Variants in CRTC3 observed in about 807,000 individuals in gnomAD.
CRTC3 encodes the protein CREB regulated transcription coactivator 3, also known as CREB-regulated transcription coactivator 3.
Under a neutral mutation model 74.5 loss-of-function variants are expected in CRTC3, and 26 were observed. The ratio of observed to expected loss-of-function variants is 0.35; its 90% CI spans 0.26 to 0.48. The LOEUF is 0.48. Among genes scored for constraint, CRTC3 ranks in the 20% least tolerant of loss-of-function variants. The pLI is 0.99. For missense variants in CRTC3, 760 were observed against 787.3 expected, an observed-to-expected ratio of 0.97 and a Z score of 0.41; for synonymous variants, 377 against 325.8, an observed-to-expected ratio of 1.16 and a Z score of -1.69.
intron 3 of CRTC3, chr15:90,598,755 T>C (rs1206179134): frequency 1.3e-5 from 7 of 547,506 alleles, no homozygotes; most frequent in East Asian, 3.2e-5. Flanking sequence ...AAAAGAACTG[T>C]TGGGAGCTGG....
chr15:90,560,043 C>T (rs907611605), intron 2 of CRTC3, among the ~76,000 whole-genome samples: 3 of 152,096 alleles, frequency 2.0e-5, no homozygotes, highest in South Asian at 2.1e-4. Flanking sequence ...AGGAGTTCTT[C>T]GAATGTTAGA....
chr15:90,637,237 A>T (rs1460378821), intron 11 of CRTC3, among the ~76,000 whole-genome samples: 1 of 152,222 alleles, frequency 6.6e-6, no homozygotes, highest in Non-Finnish European at 1.5e-5. Flanking sequence ...AAAAATGATG[A>T]GTTCATGTCC....
At chr15:90,607,778 A>C (rs1321382301) in intron 6 of CRTC3, among the ~76,000 whole-genome samples, 1 of 152,058 alleles carries the variant, frequency 6.6e-6, no homozygotes, top group Non-Finnish European at 1.5e-5. Context: ...TTCCAGTCTC[A>C]CATCCCTTCA....
intron 2 of CRTC3, among the ~76,000 whole-genome samples, chr15:90,584,534 GC>G (rs1447000544): frequency 5.3e-5 from 8 of 152,126 alleles, no homozygotes; most frequent in South Asian, 4.1e-4. Context: ...ACCGTGCCCG[GC>G]CCCCAGCAGA....
chr15:90,537,079 A>G (rs148864372), intron 1 of CRTC3, among the ~76,000 whole-genome samples: 29 of 152,326 alleles, frequency 1.9e-4, no homozygotes, highest in Middle Eastern at 3.4e-3. Flanking sequence ...TAGGCTAATC[A>G]TTCTTTGGTT....
chr15:90,559,831 T>G (rs902075468), intron 2 of CRTC3, among the ~76,000 whole-genome samples: 1 of 152,182 alleles, frequency 6.6e-6, no homozygotes, highest in Non-Finnish European at 1.5e-5. Context: ...TTGGTAGAGA[T>G]GGGGTTTTGC....
At chr15:90,631,142 A>C (rs1171237866) in intron 11 of CRTC3, among the ~76,000 whole-genome samples, 1 of 152,236 alleles carries the variant, frequency 6.6e-6, no homozygotes, top group Non-Finnish European at 1.5e-5. Context: ...AAGAGTTGAC[A>C]GAACACAACG....
chr15:90,590,785 A>T (rs1365746483), intron 2 of CRTC3, among the ~76,000 whole-genome samples: 1 of 152,224 alleles, frequency 6.6e-6, no homozygotes, highest in African/African-American at 2.4e-5. Context: ...AAGATCAGAT[A>T]CTGCAGGGGC....
At chr15:90,600,749 G>C (rs1023314145) in intron 3 of CRTC3, 4 of 152,360 alleles carry the variant, frequency 2.6e-5, no homozygotes, top group Admixed American at 1.3e-4. Flanking sequence ...TTAATGTGTA[G>C]TTTGTATCTT....
Position 90,607,438 on chromosome 15 carries a change from T to G in CRTC3, c.537T>G (p.Tyr179Ter). 6.2e-7 allele frequency: 1 copy of G among 1,613,176 alleles called. No individual in the cohort carries two copies. Reference protein sequence around the residue: ...SALSTKPQDPYGGGGQSAWPA... With the variant: ...SALSTKPQDP ...TGAGTACCAAGCCCCAGGACCCCTA[T>G]GGAGGAGGGGGCCAGTCGGCCTGGC... Residue 179 changes from tyrosine to a stop codon, truncating the protein, a stop_gained, in exon 6 of 15, where the codon TAT (tyrosine) becomes TAG (stop). Coordinates refer to ENST00000268184, the MANE Select transcript of CRTC3 (RefSeq NM_022769.5). LOFTEE classifies it high-confidence loss of function.
At chr15:90,599,778 A>G (rs967328706) in intron 3 of CRTC3, among the ~76,000 whole-genome samples, 1 of 152,262 alleles carries the variant, frequency 6.6e-6, no homozygotes, top group Admixed American at 6.5e-5. Context: ...CGTGACTATT[A>G]CACCACTGCA....
rs753247361 is a variant in CRTC3, at chr15:90,641,951, G to T, written c.1671G>T (p.Leu557=). Residue 557 remains leucine (L), a synonymous_variant, in exon 15 of 15, where the codon CTG becomes CTT. Transcript: ENST00000268184. ...TILPEDSSTS[L]FKDLNSALAG... ...TTTCAGAAGACTCCAGCACCAGCCT[G>T]TTCAAAGACCTCAACAGTGCGCTGG... 25 of 1,613,478 alleles carry T rather than the reference G, an allele frequency of 1.5e-5. No individual in the cohort carries two copies. Among genetic ancestry groups the T allele is most frequent in the Non-Finnish European group, 2.1e-5 (25 of 1,179,864 alleles).
chr15:90,575,485 TTATGCCAGTGTAAGG>T (rs1212750665), intron 2 of CRTC3, among the ~76,000 whole-genome samples: 1 of 152,254 alleles, frequency 6.6e-6, no homozygotes, highest in Admixed American at 6.5e-5. Context: ...CATCATGTGC[TTATGCCAGTGTAAGG>T]TATGCAGTGT....
chr15:90,630,291 C>A (rs566067398), intron 11 of CRTC3, among the ~76,000 whole-genome samples: 112 of 152,320 alleles, frequency 7.4e-4, no homozygotes, highest in African/African-American at 2.5e-3. Context: ...CTTCCTGAAG[C>A]TTTGATAATG....
At position 90,561,462 on chromosome 15, in the gene CRTC3, C is replaced by G. The variant is rs79250995; in HGVS notation, c.231+21325C>G. Among the ~76,000 whole-genome samples, 1,232 of 152,226 alleles carry G rather than the reference C, an allele frequency of 8.1e-3. 20 individuals carry two copies. Among genetic ancestry groups the G allele is most frequent in the African/African-American group, 0.028 (1,166 of 41,528 alleles). On this transcript the variant is annotated intron_variant, in intron 2 of 14. Transcript: ENST00000268184. ...TCGGCCTGTCCTGAAGTCAACCAGG[C>G]TGTATGTTAGTGCCTTGACTCAGTG...
At chr15:90,552,117 C>T (rs548904984) in intron 2 of CRTC3, among the ~76,000 whole-genome samples, 15 of 152,216 alleles carry the variant, frequency 9.9e-5, no homozygotes, top group African/African-American at 3.6e-4. Flanking sequence ...CAAATGTTTC[C>T]CGAGCGCCTG....
intron 3 of CRTC3, among the ~76,000 whole-genome samples, chr15:90,597,503 T>A (rs528275686): frequency 6.6e-6 from 1 of 152,214 alleles, no homozygotes; most frequent in South Asian, 2.1e-4. Flanking sequence ...CTTTTCATCA[T>A]AATGAGATGA....
Position 90,642,782 on chromosome 15 carries a change from A to G in CRTC3, c.*642A>G. 1 of 232,320 alleles carries G rather than the reference A, an allele frequency of 4.3e-6. No individual in the cohort carries two copies. 14.4% of individuals were successfully genotyped at this position (232,320 alleles called of 1,614,324 possible). On this transcript the variant is annotated 3_prime_UTR_variant, in exon 15 of 15. Coordinates refer to ENST00000268184, the MANE Select transcript of CRTC3 (RefSeq NM_022769.5). ...CCCAGCTGGTTTCTGCTGCTTCAGA[A>G]AAGTACACCTTTTCCTTATGGACCA...
chr15:90,630,428 C>T (rs1968995014), intron 11 of CRTC3, among the ~76,000 whole-genome samples: 1 of 152,120 alleles, frequency 6.6e-6, no homozygotes, highest in African/African-American at 2.4e-5. Context: ...GAAAGAGGCA[C>T]ATTTAAAAGT....
Sources: gnomAD v4.1 joint callset for allele counts (sites outside exome capture counted in the v4.1 genomes callset) on GRCh38, gnomAD v4.1.1 for gene constraint, MANE v1.5 for transcripts, NCBI Gene and HGNC (gene_info 2026-07-23, HGNC 2026-07-21) for gene names.